ENDOV: variants seen among roughly 807,000 people sequenced by gnomAD.
ENDOV encodes the protein hEndoV.
ENDOV carries 37 observed loss-of-function variants against 39.4 expected under a neutral mutation model. The ratio of observed to expected loss-of-function variants is 0.94; its 90% CI spans 0.72 to 1.23. ENDOV has a LOEUF of 1.23. ENDOV is among the 50% of genes most tolerant of loss of function. ENDOV has a pLI of 0.00. For synonymous variants in ENDOV, 186 were observed against 163.4 expected, an observed-to-expected ratio of 1.14 and a Z score of -1.05; for missense variants, 441 against 375.7, an observed-to-expected ratio of 1.17 and a Z score of -1.44.
chr17:80,426,949 G>A (rs1410823043), intron 7 of ENDOV, among the ~76,000 whole-genome samples: 8 of 152,334 alleles, frequency 5.3e-5, no homozygotes, highest in South Asian at 2.1e-4. Flanking sequence ...TTACCCCACC[G>A]CTTGCCCTGC....
intron 6 of ENDOV, 63 bp from the exon 7 acceptor site, chr17:80,425,429 G>A (rs1369749700): frequency 1.3e-6 from 2 of 1,532,448 alleles, no homozygotes; most frequent in Non-Finnish European, 1.7e-6. Context: ...AGCTGCTGAG[G>A]CTGTCCTGAC....
chr17:80,415,574 C>G, intron 1 of ENDOV, 76 bp from the exon 2 acceptor site: 1 of 1,526,892 alleles, frequency 6.5e-7, no homozygotes, highest in Non-Finnish European at 8.9e-7. Flanking sequence ...GCGCTCTGTC[C>G]GCTGCAGCCG....
At chr17:80,421,048 G>A (rs984218135) in intron 2 of ENDOV, among the ~76,000 whole-genome samples, 1 of 152,200 alleles carries the variant, frequency 6.6e-6, no homozygotes, top group Non-Finnish European at 1.5e-5. Flanking sequence ...AATACACAAA[G>A]GAGGAGACAC....
intron 7 of ENDOV, chr17:80,427,518 A>G (rs952044622): frequency 1.9e-6 from 2 of 1,058,834 alleles, no homozygotes; most frequent in African/African-American, 3.3e-5. Flanking sequence ...CTCCAGAGGA[A>G]GGAAAGCCGC....
At position 80,415,674 on chromosome 17, in the gene ENDOV, C is replaced by T. The variant is rs779280003; in HGVS notation, c.81C>T (p.His27=). The part of the protein sequence containing the change: ...WKREQARLKA[H]VVDRDTEAWQ... Reference sequence around the variant, plus strand: ...GGGAGCAAGCTCGGCTGAAGGCCCACGTCGTAGACCGGGACACCGAGGCGT... The same window carrying T: ...GGGAGCAAGCTCGGCTGAAGGCCCATGTCGTAGACCGGGACACCGAGGCGT... The change falls in exon 2 of 10, where the codon CAC becomes CAT. Residue 27 remains histidine, a synonymous_variant. Coordinates refer to ENST00000518137, the MANE Select transcript of ENDOV (RefSeq NM_173627.5). 1.9e-6 allele frequency: 3 copies of T among 1,612,538 alleles called. No homozygotes were observed.
At chr17:80,435,953 C>T (rs758518183) in intron 9 of ENDOV, among the ~76,000 whole-genome samples, 180 bp from the exon 10 acceptor site, 2 of 152,104 alleles carry the variant, frequency 1.3e-5, no homozygotes, top group Non-Finnish European at 2.9e-5. Context: ...CAGGGTCTCA[C>T]CATGTTACCC....
At position 80,421,902 on chromosome 17, in the gene ENDOV, G is replaced by T. The variant is rs137940529; in HGVS notation, c.303G>T (p.Val101=). 6.8e-3 allele frequency: 10,986 copies of T among 1,610,778 alleles called. 42 individuals are homozygous for T. Among genetic ancestry groups the T allele is most frequent in the Non-Finnish European group, 7.8e-3 (9,171 of 1,179,142 alleles). ...CGGGCTTCCTGGCCTTCCGAGAGGT[G>T]CCCTTCTTGCTGGAGCTGGTGCAGC... ...YVSGFLAFRE[V]PFLLELVQQL... Residue 101 remains valine, a synonymous_variant, in exon 3 of 10, where the codon GTG becomes GTT. Coordinates refer to ENST00000518137, the MANE Select transcript of ENDOV (RefSeq NM_173627.5).
In ENDOV at chr17:80,425,633, G is replaced by T; in HGVS notation, c.714+13G>T. ...GCCCGTGCGCCAGGTGGGTGTGCTGGGGATGCGGGGAGGCAGCACAGGCTC... is the reference window on the plus strand; with the variant it reads ...GCCCGTGCGCCAGGTGGGTGTGCTGTGGATGCGGGGAGGCAGCACAGGCTC... On this transcript the variant is annotated intron_variant, in intron 7 of 9. Transcript: ENST00000518137. The T allele has an allele frequency of 6.4e-7, 1 of 1,569,478 alleles. No individual in the cohort carries two copies.
At chr17:80,417,965 T>G (rs2081426995) in intron 2 of ENDOV, 1 of 152,210 alleles carries the variant, frequency 6.6e-6, no homozygotes, top group Admixed American at 6.5e-5. Context: ...GTCTTCCTGC[T>G]TCCATGGCTT....
intron 1 of ENDOV, 196 bp downstream of exon 1, chr17:80,415,446 T>G (rs2080963435): frequency 2.0e-6 from 2 of 983,210 alleles, no homozygotes; most frequent in South Asian, 3.4e-5. Context: ...GGTTCTCGCT[T>G]CCGGCCAGTT....
chr17:80,423,379 A>T (rs1555694093), intron 4 of ENDOV, 141 bp from the exon 5 acceptor site: 1 of 789,220 alleles, frequency 1.3e-6, no homozygotes, highest in Non-Finnish European at 2.0e-6. Context: ...CTTGGGACTT[A>T]GATCTGGTTT....
intron 2 of ENDOV, chr17:80,418,390 A>G (rs1236763365): frequency 6.6e-6 from 1 of 152,182 alleles, no homozygotes; most frequent in Non-Finnish European, 1.5e-5. Flanking sequence ...AGCGCTTCTC[A>G]CATTGTATTA....
At chr17:80,419,594 T>C (rs1415818881) in intron 2 of ENDOV, 1 of 702,864 alleles carries the variant, frequency 1.4e-6, no homozygotes, top group Non-Finnish European at 2.6e-6. Flanking sequence ...AGTTCTGCCT[T>C]CAGGTAGCAA....
chr17:80,430,501 G>C, intron 9 of ENDOV: 1 of 706,562 alleles, frequency 1.4e-6, no homozygotes, highest in Non-Finnish European at 2.1e-6. Flanking sequence ...CCTGACACGG[G>C]AGGGGTCCTA....
intron 2 of ENDOV, 109 bp downstream of exon 2, chr17:80,415,930 G>A: frequency 2.2e-6 from 3 of 1,393,402 alleles, no homozygotes; most frequent in Non-Finnish European, 2.9e-6. Flanking sequence ...TCGTTTTGTA[G>A]GATGTCATTA....
At position 80,425,427 on chromosome 17, in the gene ENDOV, AG is replaced by A. The variant is rs756154138; in HGVS notation, c.586-63del. On this transcript the variant is annotated intron_variant, in intron 6 of 9. Coordinates refer to ENST00000518137, the MANE Select transcript of ENDOV (RefSeq NM_173627.5). ...CATTTTGTCAGAGCTCCAGCTGCTGAGGCTGTCCTGACCCTGGTCCCGGTGG... is the reference window on the plus strand; with the variant it reads ...CATTTTGTCAGAGCTCCAGCTGCTGAGCTGTCCTGACCCTGGTCCCGGTGG... 17 of 1,529,364 alleles carry A rather than the reference AG, an allele frequency of 1.1e-5. No homozygotes were observed. The East Asian group carries it at 3.2e-4, about 28-fold the overall frequency. The allele number at this position is 1,529,364 out of a possible 1,614,324, so 94.7% of individuals were successfully genotyped here.
chr17:80,435,122 T>G (rs1334217091), intron 9 of ENDOV, among the ~76,000 whole-genome samples: 1 of 25,666 alleles, frequency 3.9e-5, no homozygotes, highest in Non-Finnish European at 1.3e-4. Flanking sequence ...AAGTTCTTTA[T>G]ATGTTCTGAA....
At chr17:80,425,844 G>A (rs894134707) in intron 7 of ENDOV, among the ~76,000 whole-genome samples, 10 of 152,104 alleles carry the variant, frequency 6.6e-5, no homozygotes, top group African/African-American at 2.4e-4. Context: ...TTCATCCCCA[G>A]GCCCTGCACC....
intron 2 of ENDOV, chr17:80,418,173 A>G (rs1476410640): frequency 1.3e-5 from 2 of 152,150 alleles, no homozygotes; most frequent in Non-Finnish European, 2.9e-5. Flanking sequence ...GCCACTCCCC[A>G]CTTTGCCCTC....
Sources: gnomAD v4.1 joint callset for allele counts (sites outside exome capture counted in the v4.1 genomes callset) on GRCh38, gnomAD v4.1.1 for gene constraint, MANE v1.5 for transcripts, NCBI Gene and HGNC (gene_info 2026-07-23, HGNC 2026-07-21) for gene names.